The following GPC6 variants were observed in gnomAD, a reference collection of about 807,000 sequenced individuals.
GPC6 encodes the protein glypican-6.
Under a neutral mutation model 55.2 loss-of-function variants are expected in GPC6, and 14 were observed. The observed-to-expected ratio is 0.25, with a 90% CI of 0.17 to 0.40. The LOEUF is 0.40. Ranked by LOEUF, GPC6 falls within the 10% of genes least tolerant of loss-of-function variation. The probability of loss-of-function intolerance (pLI) is 1.00; values close to 1 mark genes in which losing one functional copy is unlikely to be tolerated. For synonymous variants in GPC6, 278 were observed against 259.6 expected (o/e 1.07, Z -0.68); for missense variants, 641 against 708.5 (o/e 0.90, Z 1.08).
chr13:93,936,298 A>G (rs112110642), intron 3 of GPC6, among the ~76,000 whole-genome samples: 2,118 of 152,310 alleles, frequency 0.014, 45 homozygotes, highest in African/African-American at 0.048. Context: ...CCAATCTGCA[A>G]GAAAATATTA....
intron 3 of GPC6, among the ~76,000 whole-genome samples, chr13:93,986,440 C>T (rs1881034480): frequency 6.6e-6 from 1 of 151,990 alleles, no homozygotes; most frequent in Non-Finnish European, 1.5e-5. Flanking sequence ...TCAATGCAAC[C>T]CTTAGGGTTG....
chr13:93,219,199 T>C, the GPC6 span, among the ~76,000 whole-genome samples: 555 of 151,356 alleles, frequency 3.7e-3, 6 homozygotes, highest in African/African-American at 0.013. Flanking sequence ...GTTCAAGCAA[T>C]TCTCCTGCCT....
At chr13:93,507,238 C>G (rs1307694614) in intron 1 of GPC6, among the ~76,000 whole-genome samples, 3 of 152,064 alleles carry the variant, frequency 2.0e-5, no homozygotes, top group Non-Finnish European at 2.9e-5. Flanking sequence ...AAGCTTCGGC[C>G]GAATTAATCA....
At chr13:93,526,401 T>C (rs942941053) in intron 1 of GPC6, among the ~76,000 whole-genome samples, 1 of 136,218 alleles carries the variant, frequency 7.3e-6, no homozygotes, top group Non-Finnish European at 1.5e-5. Context: ...CCCGAATACT[T>C]ATTATGCAAG....
Position 94,238,223 on chromosome 13 carries a change from G to C in GPC6, c.878-48126G>C, listed in dbSNP as rs1466039720. Among the ~76,000 whole-genome samples the C allele has an allele frequency of 2.0e-5, 3 of 152,114 alleles. No homozygotes were observed. In the East Asian group the frequency reaches 5.8e-4, roughly 29 times the overall value. The stretch of plus-strand genomic sequence containing the variant: ...AGTGGGCATTGGATAAATAGTTCTG[G>C]AGTTCGAGGAGAGATCACAAGTAGA... On this transcript the variant is annotated intron_variant, in intron 4 of 8. Coordinates refer to ENST00000377047, the MANE Select transcript of GPC6 (RefSeq NM_005708.5).
the GPC6 span, among the ~76,000 whole-genome samples, chr13:93,218,176 CATTT>C: frequency 6.7e-6 from 1 of 148,894 alleles, no homozygotes; most frequent in Non-Finnish European, 1.5e-5. Flanking sequence ...TTCTCACAAA[CATTT>C]AATTATTTCC....
intron 1 of GPC6, among the ~76,000 whole-genome samples, chr13:93,365,192 GGGA>G: frequency 6.6e-6 from 1 of 152,170 alleles, no homozygotes; most frequent in African/African-American, 2.4e-5. Context: ...CATTCAAAGA[GGGA>G]ACCCGTGACT....
chr13:93,887,364 A>C (rs563855941), intron 3 of GPC6, among the ~76,000 whole-genome samples: 1 of 152,170 alleles, frequency 6.6e-6, no homozygotes, highest in Non-Finnish European at 1.5e-5. Context: ...TATATATCTA[A>C]AAAGTAATTT....
At chr13:93,720,377 G>T (rs890980277) in intron 2 of GPC6, among the ~76,000 whole-genome samples, 4 of 152,026 alleles carry the variant, frequency 2.6e-5, no homozygotes, top group African/African-American at 9.7e-5. Flanking sequence ...AGTATTCTCT[G>T]ATGGTAGTTT....
At chr13:94,146,386 G>A (rs1194601888) in intron 4 of GPC6, among the ~76,000 whole-genome samples, 3 of 152,008 alleles carry the variant, frequency 2.0e-5, no homozygotes, top group South Asian at 2.1e-4. Context: ...CACCAATCAA[G>A]TATTTATCTC....
chr13:93,569,623 T>C (rs571915936), intron 2 of GPC6, among the ~76,000 whole-genome samples: 36 of 152,102 alleles, frequency 2.4e-4, no homozygotes, highest in African/African-American at 7.7e-4. Flanking sequence ...GCAATTTGTT[T>C]CCCTAAGAAA....
At chr13:93,591,325 A>G (rs1408411542) in intron 2 of GPC6, among the ~76,000 whole-genome samples, 7 of 152,022 alleles carry the variant, frequency 4.6e-5, no homozygotes, top group Non-Finnish European at 8.8e-5. Context: ...TTAGCCGGGC[A>G]TGGTGGCGGA....
intron 6 of GPC6, among the ~76,000 whole-genome samples, chr13:94,317,852 AGTGT>A (rs1247376444): frequency 6.6e-6 from 1 of 151,792 alleles, no homozygotes; most frequent in Non-Finnish European, 1.5e-5. Flanking sequence ...TGAGTGTGAG[AGTGT>A]GTGTGTGCAT....
chr13:93,619,236 A>C (rs966587716), intron 2 of GPC6, among the ~76,000 whole-genome samples: 3 of 152,166 alleles, frequency 2.0e-5, no homozygotes, highest in Non-Finnish European at 2.9e-5. Context: ...AGATGAGTTC[A>C]GTGAAGACAT....
intron 1 of GPC6, among the ~76,000 whole-genome samples, chr13:93,342,680 T>C (rs1320637720): frequency 6.6e-6 from 1 of 152,070 alleles, no homozygotes; most frequent in East Asian, 1.9e-4. Flanking sequence ...GTGATAACAG[T>C]CGTGAAGAGA....
At chr13:93,847,130 C>T (rs1888209349) in intron 3 of GPC6, among the ~76,000 whole-genome samples, 1 of 152,016 alleles carries the variant, frequency 6.6e-6, no homozygotes, top group South Asian at 2.1e-4. Context: ...CTTGCCATTG[C>T]CTCAAAGGCC....
intron 1 of GPC6, among the ~76,000 whole-genome samples, chr13:93,431,007 T>G (rs1324289716): frequency 1.3e-5 from 2 of 152,048 alleles, no homozygotes; most frequent in Non-Finnish European, 2.9e-5. Flanking sequence ...TATTAAAAGA[T>G]TCTACCATTA....
rs113551322 is a variant in GPC6, at chr13:94,086,327, C to T, written c.877+58433C>T. On this transcript the variant is annotated intron_variant, in intron 4 of 8. Transcript: ENST00000377047. ...AAGAGTGAAATGGGTTCACCTTCCC[C>T]GGAAACAGGCTGAGAGAGCCTGTGG... is the stretch of plus-strand genomic sequence containing the variant. 9.8e-3 allele frequency among the ~76,000 whole-genome samples: 1,498 copies of T among 152,124 alleles called. 29 individuals carry two copies. The highest frequency in any genetic ancestry group is 0.035 in the African/African-American group (1,432 of 41,476).
At chr13:93,874,869 T>G (rs1889242075) in intron 3 of GPC6, among the ~76,000 whole-genome samples, 1 of 151,980 alleles carries the variant, frequency 6.6e-6, no homozygotes. Context: ...TATTTTCTCC[T>G]TAAAATTTGC....
Sources: gnomAD v4.1 joint callset for allele counts (sites outside exome capture counted in the v4.1 genomes callset) on GRCh38, gnomAD v4.1.1 for gene constraint, MANE v1.5 for transcripts, NCBI Gene and HGNC (gene_info 2026-07-23, HGNC 2026-07-21) for gene names.